The following SNU13 variants were observed in gnomAD, a reference collection of about 807,000 sequenced individuals.
The protein encoded by SNU13 is NHP2-like protein 1.
SNU13 carries 2 observed loss-of-function variants against 12.4 expected under a neutral mutation model. That is an observed-to-expected ratio of 0.16 (90% CI 0.07 to 0.51). The LOEUF is 0.51. SNU13 is among the 20% of genes least tolerant of loss of function. The pLI, the probability that SNU13 is intolerant of heterozygous loss-of-function variation, is 0.96. For missense variants in SNU13, 66 were observed against 157.8 expected (o/e 0.42, Z 3.12); for synonymous variants, 68 against 66.5 (o/e 1.02, Z -0.11).
intron 2 of SNU13, 34 bp from the exon 3 acceptor site, chr22:41,675,229 T>G: frequency 6.2e-7 from 1 of 1,604,122 alleles, no homozygotes; most frequent in Non-Finnish European, 8.5e-7. Flanking sequence ...TAATAGGTGA[T>G]GTGGGCTTGG....
intron 1 of SNU13, among the ~76,000 whole-genome samples, chr22:41,683,026 G>C (rs2147138845): frequency 6.6e-6 from 1 of 152,054 alleles, no homozygotes; most frequent in East Asian, 1.9e-4. Context: ...TTGAGACAGG[G>C]TCTCGCTCTG....
chr22:41,687,227 G>A (rs1339774234), intron 1 of SNU13, among the ~76,000 whole-genome samples: 1 of 152,192 alleles, frequency 6.6e-6, no homozygotes, highest in Non-Finnish European at 1.5e-5. Context: ...AAAGTGCTGG[G>A]ATTACAAGCA....
upstream of SNU13, chr22:41,689,159 C>T (rs961927141): frequency 4.0e-4 from 369 of 932,154 alleles, no homozygotes; most frequent in Non-Finnish European, 4.7e-4. Context: ...GACAGGAGTT[C>T]GAGACCAGCC....
chr22:41,675,754 T>C lies in SNU13; in HGVS notation c.125-559A>G, dbSNP rs150288903. On this transcript the variant is annotated intron_variant, in intron 2 of 2. Coordinates refer to ENST00000401959, the MANE Select transcript of SNU13 (RefSeq NM_001003796.2). ...ACAACTTTTTTCTTTCTTTTTTTTT[T>C]TTTTTTCTTTTTTTGAGATGGAGTC... Among the ~76,000 whole-genome samples, 460 of 149,270 alleles carry C rather than the reference T, an allele frequency of 3.1e-3. 3 individuals carry two copies. Among genetic ancestry groups the C allele is most frequent in the African/African-American group, 0.01 (425 of 40,574 alleles).
chr22:41,684,112 C>A (rs1319264193), intron 1 of SNU13, among the ~76,000 whole-genome samples: 1 of 152,094 alleles, frequency 6.6e-6, no homozygotes, highest in Non-Finnish European at 1.5e-5. Context: ...GCCATGTTGG[C>A]CAGGCTGGTC....
chr22:41,688,724 A>T, intron 1 of SNU13, 70 bp downstream of exon 1: 1 of 1,551,746 alleles, frequency 6.4e-7, no homozygotes, highest in Non-Finnish European at 8.8e-7. Flanking sequence ...GCCTCCATCT[A>T]ACAGGCTAGG....
chr22:41,684,418 C>T (rs1291275769), intron 1 of SNU13, among the ~76,000 whole-genome samples: 2 of 152,058 alleles, frequency 1.3e-5, no homozygotes, highest in South Asian at 4.1e-4. Context: ...CTAGCATTAG[C>T]ATCTTAGGCT....
intron 2 of SNU13, among the ~76,000 whole-genome samples, chr22:41,678,332 A>AGAG (rs1482435741): frequency 3.8e-4 from 58 of 152,292 alleles, no homozygotes; most frequent in Admixed American, 3.5e-3. Flanking sequence ...ACTGGAATGT[A>AGAG]TACTCCAAGA....
chr22:41,681,885 T>C (rs1569109091), intron 1 of SNU13, among the ~76,000 whole-genome samples: 1 of 152,062 alleles, frequency 6.6e-6, no homozygotes, highest in Non-Finnish European at 1.5e-5. Flanking sequence ...AATAAATAAA[T>C]AAATACACAC....
At chr22:41,682,270 G>T in intron 1 of SNU13, 3 of 1,430,752 alleles carry the variant, frequency 2.1e-6, no homozygotes, top group Non-Finnish European at 3.0e-6. Context: ...TTTTTTTACA[G>T]CTTTTCTGAC....
At chr22:41,685,989 T>G (rs2068307219) in intron 1 of SNU13, among the ~76,000 whole-genome samples, 1 of 150,810 alleles carries the variant, frequency 6.6e-6, no homozygotes, top group Admixed American at 6.6e-5. Context: ...AAAAAAAAAT[T>G]TGTAGAGACA....
At position 41,674,859 on chromosome 22, in the gene SNU13, A is replaced by C; in HGVS notation, c.*74T>G. 6.5e-7 allele frequency: 1 copy of C among 1,538,968 alleles called. No individual in the cohort carries two copies. Among genetic ancestry groups the C allele is most frequent in the Non-Finnish European group, 8.8e-7 (1 of 1,135,468 alleles). On this transcript the variant is annotated 3_prime_UTR_variant, in exon 3 of 3. Coordinates refer to ENST00000401959, the MANE Select transcript of SNU13 (RefSeq NM_001003796.2). ...AATAGAGAGTAGCTGAAAATACTAC[A>C]TGCTAACACAGATAATATGATACAC...
intron 2 of SNU13, 143 bp downstream of exon 2, chr22:41,680,101 C>A: frequency 9.2e-7 from 1 of 1,091,930 alleles, no homozygotes; most frequent in Non-Finnish European, 1.3e-6. Flanking sequence ...AGCCCATCAG[C>A]TTTAGCATCT....
chr22:41,679,357 G>C (rs1251010713), intron 2 of SNU13, among the ~76,000 whole-genome samples: 1 of 152,188 alleles, frequency 6.6e-6, no homozygotes, highest in African/African-American at 2.4e-5. Flanking sequence ...AGGAGTTCGA[G>C]ACCAGACTGA....
intron 2 of SNU13, among the ~76,000 whole-genome samples, chr22:41,676,422 C>T (rs2068214810): frequency 1.3e-5 from 2 of 152,132 alleles, no homozygotes; most frequent in Admixed American, 1.3e-4. Flanking sequence ...CACAAATGAC[C>T]TTGAGCAAGG....
At chr22:41,678,979 G>C (rs572891503) in intron 2 of SNU13, among the ~76,000 whole-genome samples, 5 of 152,332 alleles carry the variant, frequency 3.3e-5, no homozygotes, top group African/African-American at 1.2e-4. Flanking sequence ...TTCTGGCTGG[G>C]CATGGTAGCT....
At chr22:41,683,237 T>TGG (rs1226122688) in intron 1 of SNU13, among the ~76,000 whole-genome samples, 1 of 152,124 alleles carries the variant, frequency 6.6e-6, no homozygotes, top group Non-Finnish European at 1.5e-5. Context: ...TGACCTCAAG[T>TGG]GATCCGCTTG....
At chr22:41,681,728 A>T (rs2068264902) in intron 1 of SNU13, among the ~76,000 whole-genome samples, 1 of 152,350 alleles carries the variant, frequency 6.6e-6, no homozygotes, top group East Asian at 1.9e-4. Flanking sequence ...TAACCCATGT[A>T]GGGGACGAGC....
Position 41,674,832 on chromosome 22 carries a change from A to C in SNU13, c.*101T>G, listed in dbSNP as rs988523836. 1 of 1,461,390 alleles carries C rather than the reference A, an allele frequency of 6.8e-7. No homozygotes were observed. Among genetic ancestry groups the C allele is most frequent in the African/African-American group, 1.4e-5 (1 of 70,784 alleles). The allele number at this position is 1,461,390 out of a possible 1,614,324, so 90.5% of individuals were successfully genotyped here. On this transcript the variant is annotated 3_prime_UTR_variant, in exon 3 of 3. Coordinates refer to ENST00000401959, the MANE Select transcript of SNU13 (RefSeq NM_001003796.2). The stretch of plus-strand genomic sequence containing the variant: ...ACCAGATTTAGTACTACATTTTATA[A>C]CAATAGAGAGTAGCTGAAAATACTA...
Sources: allele counts gnomAD v4.1 joint callset (sites outside exome capture counted in the v4.1 genomes callset), GRCh38; gene constraint gnomAD v4.1.1; transcripts MANE v1.5; gene names NCBI Gene and HGNC (gene_info 2026-07-23, HGNC 2026-07-21).